Variants in RAP1GAP2 observed in about 807,000 individuals in gnomAD.
The protein encoded by RAP1GAP2 is rap1 GTPase-activating protein 2.
In RAP1GAP2, 27 loss-of-function variants were observed where a neutral mutation model predicts 95.0. That is an observed-to-expected ratio of 0.28 (90% CI 0.21 to 0.39). The LOEUF (loss-of-function observed/expected upper bound fraction) is 0.39. Among genes scored for constraint, RAP1GAP2 ranks in the 10% least tolerant of loss-of-function variants. The pLI, the probability that RAP1GAP2 is intolerant of heterozygous loss-of-function variation, is 1.00. For synonymous variants in RAP1GAP2, 373 were observed against 380.9 expected, an observed-to-expected ratio of 0.98 and a Z score of 0.24; for missense variants, 771 against 970.0, an observed-to-expected ratio of 0.79 and a Z score of 2.72.
intron 16 of RAP1GAP2, among the ~76,000 whole-genome samples, chr17:3,007,396 AT>A: frequency 6.6e-6 from 1 of 152,268 alleles, no homozygotes; most frequent in Admixed American, 6.5e-5. Context: ...ATTTACAGGA[AT>A]GCAGGAGAGA....
At chr17:2,988,208 CAAA>C (rs34528475) in intron 11 of RAP1GAP2, among the ~76,000 whole-genome samples, 1 of 135,924 alleles carries the variant, frequency 7.4e-6, no homozygotes. Flanking sequence ...AACTCCATCT[CAAA>C]AAAAAAAAAA....
At chr17:2,925,966 CCT>C (rs776465063) in intron 3 of RAP1GAP2, among the ~76,000 whole-genome samples, 1 of 151,986 alleles carries the variant, frequency 6.6e-6, no homozygotes, top group African/African-American at 2.4e-5. Flanking sequence ...TGGCGAAAGC[CCT>C]GTCTCTACTA....
rs891984333 is a variant in RAP1GAP2, at chr17:2,885,028, C to CTTT, written c.81-20235_81-20233dup. ...ATAGGCACATTTCTTTTATTTCTTTCTTTTTTTTTTTTTTTTTTTTTTTGA... is the reference window on the plus strand; with the variant it reads ...ATAGGCACATTTCTTTTATTTCTTTCTTTTTTTTTTTTTTTTTTTTTTTTTTGA... On this transcript the variant is annotated intron_variant, in intron 2 of 24. Coordinates refer to ENST00000254695, the MANE Select transcript of RAP1GAP2 (RefSeq NM_015085.5). 2.8e-3 allele frequency among the ~76,000 whole-genome samples: 317 copies of CTTT among 112,474 alleles called. 1 individual carries two copies. Among genetic ancestry groups the CTTT allele is most frequent in the African/African-American group, 4.3e-3 (120 of 27,600 alleles). 73.8% of individuals were successfully genotyped at this position (112,474 alleles called of 152,430 possible). A position where few individuals can be genotyped will look rare whatever the true frequency, so the allele number is the denominator to read the frequency against.
chr17:2,840,659 T>G (rs2071337205), intron 2 of RAP1GAP2, among the ~76,000 whole-genome samples: 1 of 152,160 alleles, frequency 6.6e-6, no homozygotes, highest in Non-Finnish European at 1.5e-5. Context: ...TATATTTACT[T>G]TACCTTCTAT....
intron 3 of RAP1GAP2, among the ~76,000 whole-genome samples, chr17:2,937,715 C>T (rs1408416393): frequency 2.0e-5 from 3 of 152,164 alleles, no homozygotes; most frequent in Non-Finnish European, 2.9e-5. Flanking sequence ...GGAACATTGC[C>T]AGGCCTCTCT....
At chr17:2,767,896 C>T (rs570206664) in intron 1 of RAP1GAP2, among the ~76,000 whole-genome samples, 148 of 152,172 alleles carry the variant, frequency 9.7e-4, no homozygotes, top group African/African-American at 3.4e-3. Context: ...CCACGCCCAG[C>T]TAATTTCTTT....
In RAP1GAP2 at chr17:3,034,858, G is replaced by A. The variant is rs937019527; in HGVS notation, c.*1497G>A. 1 of 152,316 alleles carries A rather than the reference G, an allele frequency of 6.6e-6. No homozygotes were observed. Among genetic ancestry groups the A allele is most frequent in the Non-Finnish European group, 1.5e-5 (1 of 68,114 alleles). The allele number at this position is 152,316 out of a possible 1,614,324, so 9.4% of individuals were successfully genotyped here. ...AGCCTGAAGAGCCCCTTTCAGTGCAGACGGGGCTGCAGAGTGACACTGGCT... is the reference window on the plus strand; with the variant it reads ...AGCCTGAAGAGCCCCTTTCAGTGCAAACGGGGCTGCAGAGTGACACTGGCT... On this transcript the variant is annotated 3_prime_UTR_variant, in exon 25 of 25. Transcript: ENST00000254695. This position sits in a 1 kb window ranked among gnomAD's most constrained non-coding sequence, Gnocchi z 5.1.
At chr17:2,844,475 T>G (rs900822951) in intron 2 of RAP1GAP2, among the ~76,000 whole-genome samples, 1 of 152,128 alleles carries the variant, frequency 6.6e-6, no homozygotes, top group African/African-American at 2.4e-5. Context: ...AGGATTTTCC[T>G]TATGGAAAGG....
rs886524610 is a variant in RAP1GAP2, at chr17:2,870,160, C to A, written c.81-35124C>A. Among the ~76,000 whole-genome samples, 1 of 151,552 alleles carries A rather than the reference C, an allele frequency of 6.6e-6. No individual in the cohort carries two copies. Among genetic ancestry groups the A allele is most frequent in the Admixed American group, 6.6e-5 (1 of 15,198 alleles). On this transcript the variant is annotated intron_variant, in intron 2 of 24. Coordinates refer to ENST00000254695, the MANE Select transcript of RAP1GAP2 (RefSeq NM_015085.5). This position sits in a 1 kb window ranked among gnomAD's most constrained non-coding sequence, Gnocchi z 4.4. ...GGAGATGGAGTCTCGCACTGTCACC[C>A]GGGCTGGAATGCAATGGTGCAATCT...
intron 18 of RAP1GAP2, among the ~76,000 whole-genome samples, chr17:3,019,684 C>T (rs1164015944): frequency 2.0e-5 from 3 of 152,218 alleles, no homozygotes; most frequent in Non-Finnish European, 4.4e-5. Flanking sequence ...TATTATCTTG[C>T]TTCCCCCTGA....
intron 2 of RAP1GAP2, among the ~76,000 whole-genome samples, chr17:2,849,383 A>T (rs1040949418): frequency 1.3e-5 from 2 of 152,210 alleles, no homozygotes; most frequent in Non-Finnish European, 2.9e-5. Context: ...CGTCTGCTGC[A>T]GGCTGGCTCT....
At chr17:2,829,481 C>T (rs933593167) in intron 2 of RAP1GAP2, among the ~76,000 whole-genome samples, 1 of 152,136 alleles carries the variant, frequency 6.6e-6, no homozygotes, top group Admixed American at 6.6e-5. Context: ...GGACCCACCT[C>T]CCAGTGCCAT....
chr17:3,008,831 G>C lies in RAP1GAP2; in HGVS notation c.1494+686G>C, dbSNP rs888524679. ...AGCACGTAGACCCAGCATCTGGCTC[G>C]AGCCTGGCTGTCAGCCTGTGCAGGT... is the stretch of plus-strand genomic sequence containing the variant. On this transcript the variant is annotated intron_variant, in intron 17 of 24. Coordinates refer to ENST00000254695, the MANE Select transcript of RAP1GAP2 (RefSeq NM_015085.5). The surrounding 1 kb of genome is among the most constrained non-coding windows in gnomAD (Gnocchi z 4.2). Among the ~76,000 whole-genome samples, 4 of 152,158 alleles carry C rather than the reference G, an allele frequency of 2.6e-5. No homozygotes were observed. Among genetic ancestry groups the C allele is most frequent in the Admixed American group, 1.3e-4 (2 of 15,264 alleles).
intron 8 of RAP1GAP2, among the ~76,000 whole-genome samples, chr17:2,969,449 A>AC (rs2044758159): frequency 1.3e-5 from 2 of 150,282 alleles, no homozygotes; most frequent in African/African-American, 4.9e-5. Flanking sequence ...ACACACACAC[A>AC]ATAAATAAAT....
Position 3,004,525 on chromosome 17 carries a change from G to A in RAP1GAP2, c.1201-844G>A, listed in dbSNP as rs1484217977. Reference sequence around the variant, plus strand: ...TCACAGCCTCGTGGGCTGAGAATAGGTGAAGTCAGGGCACCTCTGTGCAGA... The same window carrying A: ...TCACAGCCTCGTGGGCTGAGAATAGATGAAGTCAGGGCACCTCTGTGCAGA... On this transcript the variant is annotated intron_variant, in intron 14 of 24. Coordinates refer to ENST00000254695, the MANE Select transcript of RAP1GAP2 (RefSeq NM_015085.5). The surrounding 1 kb of genome is among the most constrained non-coding windows in gnomAD (Gnocchi z 4.1). 6.6e-6 allele frequency among the ~76,000 whole-genome samples: 1 copy of A among 152,266 alleles called. No individual in the cohort carries two copies. The highest frequency in any genetic ancestry group is 1.5e-5 in the Non-Finnish European group (1 of 68,048).
chr17:3,032,782 G>C (rs995641956), intron 24 of RAP1GAP2, among the ~76,000 whole-genome samples: 1 of 152,204 alleles, frequency 6.6e-6, no homozygotes, highest in Admixed American at 6.5e-5. Flanking sequence ...GGGCTCCCTT[G>C]CTCCCCTGCC....
At chr17:2,853,541 G>C (rs1378713742) in intron 2 of RAP1GAP2, among the ~76,000 whole-genome samples, 1 of 150,594 alleles carries the variant, frequency 6.6e-6, no homozygotes, top group African/African-American at 2.5e-5. Context: ...GGGCCGGGGA[G>C]GGCGCCTGGG....
In RAP1GAP2 at chr17:2,902,509, G is replaced by A. The variant is rs577406816; in HGVS notation, c.81-2775G>A. ...GGTGGGATTACAGGCATGAGCCACCGCTCTGGGCCCAGTTCAGATGTTTTT... is the reference window on the plus strand; with the variant it reads ...GGTGGGATTACAGGCATGAGCCACCACTCTGGGCCCAGTTCAGATGTTTTT... On this transcript the variant is annotated intron_variant, in intron 2 of 24. Coordinates refer to ENST00000254695, the MANE Select transcript of RAP1GAP2 (RefSeq NM_015085.5). This position sits in a 1 kb window ranked among gnomAD's most constrained non-coding sequence, Gnocchi z 4.1. Among the ~76,000 whole-genome samples, 40 of 152,266 alleles carry A rather than the reference G, an allele frequency of 2.6e-4. No individual in the cohort carries two copies. The highest frequency in any genetic ancestry group is 8.4e-4 in the African/African-American group (35 of 41,564).
rs1412755846 is a variant in RAP1GAP2 at position 2,903,899 on chromosome 17, G to T, written c.81-1385G>T. On this transcript the variant is annotated intron_variant, in intron 2 of 24. Coordinates refer to ENST00000254695, the MANE Select transcript of RAP1GAP2 (RefSeq NM_015085.5). This position sits in a 1 kb window ranked among gnomAD's most constrained non-coding sequence, Gnocchi z 4.1. Reference sequence around the variant, plus strand: ...TGGGCCTGGAAACCTGGAGGGCTGGGCTCTGTAGGGAGGGTGGGTTTCTGT... The same window carrying T: ...TGGGCCTGGAAACCTGGAGGGCTGGTCTCTGTAGGGAGGGTGGGTTTCTGT... Among the ~76,000 whole-genome samples, 4 of 152,340 alleles carry T rather than the reference G, an allele frequency of 2.6e-5. No homozygotes were observed. Among genetic ancestry groups the T allele is most frequent in the African/African-American group, 9.6e-5 (4 of 41,590 alleles).
Sources: allele counts gnomAD v4.1 joint callset (sites outside exome capture counted in the v4.1 genomes callset), GRCh38; gene constraint gnomAD v4.1.1; non-coding constraint Gnocchi (gnomAD v3.1); transcripts MANE v1.5; gene names NCBI Gene and HGNC (gene_info 2026-07-23, HGNC 2026-07-21).